The following VPS13C variants were observed in gnomAD, a reference collection of about 807,000 sequenced individuals.
VPS13C encodes the protein intermembrane lipid transfer protein VPS13C.
A neutral mutation model predicts 456.8 loss-of-function variants in VPS13C; 358 were observed. That is an observed-to-expected ratio of 0.78 (90% CI 0.72 to 0.86). The LOEUF is 0.86. Ranked by LOEUF, VPS13C falls within the 40% of genes least tolerant of loss-of-function variation. The pLI, the probability that VPS13C is intolerant of heterozygous loss-of-function variation, is 0.00. For synonymous variants in VPS13C, 1,578 were observed against 1,486.7 expected, an observed-to-expected ratio of 1.06 and a Z score of -1.41; for missense variants, 4,818 against 4,385.4, an observed-to-expected ratio of 1.10 and a Z score of -2.79.
intron 38 of VPS13C, among the ~76,000 whole-genome samples, chr15:61,954,064 T>A (rs574043269): frequency 1.6e-4 from 24 of 152,324 alleles, no homozygotes; most frequent in African/African-American, 2.6e-4. Context: ...AACTTTTTTT[T>A]AAAATGCAGG....
chr15:61,938,540 G>T (rs1404308734), intron 47 of VPS13C, among the ~76,000 whole-genome samples: 2 of 152,164 alleles, frequency 1.3e-5, no homozygotes, highest in African/African-American at 4.8e-5. Context: ...GGCAGTGGTG[G>T]CCTCATCCAC....
chr15:62,000,480 G>T, intron 16 of VPS13C, 84 bp downstream of exon 16: 1 of 1,335,664 alleles, frequency 7.5e-7, no homozygotes, highest in Non-Finnish European at 1.0e-6. Context: ...ACCTCACCTC[G>T]TGAAACTTCA....
At chr15:61,992,340 G>A (rs544332793) in intron 16 of VPS13C, among the ~76,000 whole-genome samples, 2 of 152,066 alleles carry the variant, frequency 1.3e-5, no homozygotes, top group Non-Finnish European at 2.9e-5. Context: ...CCTTCTCTTT[G>A]CCCACTTTTC....
intron 22 of VPS13C, among the ~76,000 whole-genome samples, chr15:61,980,621 T>C (rs1001781404): frequency 2.7e-5 from 4 of 150,940 alleles, no homozygotes; most frequent in Non-Finnish European, 5.9e-5. Context: ...TCTAACTTTT[T>C]TTGGTTTCCT....
Position 61,910,322 on chromosome 15 carries a change from T to A in VPS13C, c.8716-17A>T. The stretch of plus-strand genomic sequence containing the variant: ...TGGAAGGCACTAAAAATATAGAAGT[T>A]ATTATCAGTCTTAAGACAATACCGT... On this transcript the variant is annotated splice_polypyrimidine_tract_variant and intron_variant, in intron 63 of 84. Coordinates refer to ENST00000644861, the MANE Select transcript of VPS13C (RefSeq NM_020821.3). 1.3e-6 allele frequency: 2 copies of A among 1,494,940 alleles called. No individual in the cohort carries two copies. The highest frequency in any genetic ancestry group is 9.0e-7 in the Non-Finnish European group (1 of 1,114,288). 92.6% of individuals were successfully genotyped at this position (1,494,940 alleles called of 1,614,324 possible).
intron 6 of VPS13C, among the ~76,000 whole-genome samples, chr15:62,025,492 C>G (rs1354097829): frequency 6.6e-6 from 1 of 152,040 alleles, no homozygotes; most frequent in Admixed American, 6.6e-5. Flanking sequence ...CCAGTCTAGC[C>G]CTGAAAACCA....
intron 16 of VPS13C, among the ~76,000 whole-genome samples, chr15:61,996,822 G>C (rs988845584): frequency 1.4e-5 from 2 of 143,446 alleles, no homozygotes; most frequent in African/African-American, 5.5e-5. Context: ...AGAGAAAAAA[G>C]ACTGCAGGAA....
intron 12 of VPS13C, among the ~76,000 whole-genome samples, 175 bp downstream of exon 12, chr15:62,011,932 T>C (rs1446807806): frequency 6.6e-6 from 1 of 151,964 alleles, no homozygotes; most frequent in African/African-American, 2.4e-5. Context: ...CAGTGGTGTG[T>C]GTTACGATCT....
rs2043533843 is a variant in VPS13C at position 61,918,175 on chromosome 15, C to T, written c.7721G>A (p.Arg2574Lys). The T allele has an allele frequency of 6.2e-7, 1 of 1,600,466 alleles. No homozygotes were observed. The highest frequency in any genetic ancestry group is 8.5e-7 in the Non-Finnish European group (1 of 1,175,254). The change falls in exon 59 of 85, where the codon AGA becomes AAA. Residue 2574 changes from arginine to lysine, a missense_variant. Around this residue, in one of 3 missense-constraint regions of VPS13C, gnomAD observed 4,552 missense variants for 4,130.6 expected, o/e 1.10. Transcript: ENST00000644861. ...VKLLERIGIA[R>K]PEEEFHVPLD... ...AGGAACATGGAACTCCTCTTCAGGT[C>T]TGGCTATCCCAATGCGCTCCAATAG...
chr15:61,963,805 G>A (rs772861417), intron 32 of VPS13C, 30 bp downstream of exon 32: 36 of 1,496,432 alleles, frequency 2.4e-5, no homozygotes, highest in African/African-American at 4.2e-5. Context: ...TTATCTTTTC[G>A]CCAATTTTCA....
chr15:61,999,134 T>C (rs1311177215), intron 16 of VPS13C, among the ~76,000 whole-genome samples: 1 of 152,120 alleles, frequency 6.6e-6, no homozygotes, highest in East Asian at 1.9e-4. Context: ...ATCCCAGCAC[T>C]TTGGGAGGCC....
At position 61,969,111 on chromosome 15, in the gene VPS13C, T is replaced by C. The variant is rs143754133; in HGVS notation, c.2911+188A>G. On this transcript the variant is annotated intron_variant, in intron 28 of 84. Coordinates refer to ENST00000644861, the MANE Select transcript of VPS13C (RefSeq NM_020821.3). ...GTCTGTGACTTAGTTTACTTACATT[T>C]AAACCATAGATTATAACACTGCCTA... Among the ~76,000 whole-genome samples, 239 of 152,246 alleles carry C rather than the reference T, an allele frequency of 1.6e-3. 3 individuals are homozygous for C. In the East Asian group the frequency reaches 0.027, roughly 17 times the overall value.
At chr15:61,935,528 C>T (rs1343843357) in intron 48 of VPS13C, 2 of 152,220 alleles carry the variant, frequency 1.3e-5, no homozygotes, top group African/African-American at 2.4e-5. Flanking sequence ...GATACATGAT[C>T]GTGATCACGG....
chr15:61,854,977 A>C, intron 83 of VPS13C, 23 bp from the exon 84 acceptor site: 3 of 1,573,508 alleles, frequency 1.9e-6, no homozygotes, highest in Non-Finnish European at 2.6e-6. Flanking sequence ...AAACAATGAC[A>C]GAAAAGAAAT....
At chr15:61,975,973 G>C (rs1196845228) in intron 24 of VPS13C, among the ~76,000 whole-genome samples, 1 of 152,016 alleles carries the variant, frequency 6.6e-6, no homozygotes, top group Non-Finnish European at 1.5e-5. Context: ...TAGGACCCAA[G>C]TCTAAACATG....
chr15:62,045,759 G>C (rs1180555555), intron 1 of VPS13C, among the ~76,000 whole-genome samples: 1 of 152,054 alleles, frequency 6.6e-6, no homozygotes, highest in Non-Finnish European at 1.5e-5. Flanking sequence ...AAGAAGGAAG[G>C]ACAGAAGAGG....
At chr15:61,861,120 T>C (rs1379008196) in intron 82 of VPS13C, among the ~76,000 whole-genome samples, 1 of 151,784 alleles carries the variant, frequency 6.6e-6, no homozygotes, top group Admixed American at 6.6e-5. Context: ...CGCCACAAAG[T>C]CCAGCTAATT....
At chr15:61,991,631 T>G in intron 17 of VPS13C, 42 bp downstream of exon 17, 1 of 1,531,480 alleles carries the variant, frequency 6.5e-7, no homozygotes, top group Non-Finnish European at 8.8e-7. Flanking sequence ...AGTTTTTTTT[T>G]AACTTAACAC....
At chr15:61,978,193 G>A (rs2045768732) in intron 23 of VPS13C, among the ~76,000 whole-genome samples, 1 of 151,976 alleles carries the variant, frequency 6.6e-6, no homozygotes, top group Admixed American at 6.6e-5. Flanking sequence ...TACAAAAGTA[G>A]ACAGCATAAT....
Sources: allele counts gnomAD v4.1 joint callset (sites outside exome capture counted in the v4.1 genomes callset), GRCh38; gene constraint gnomAD v4.1.1; regional missense constraint gnomAD v4.1.1; transcripts MANE v1.5; gene names NCBI Gene and HGNC (gene_info 2026-07-23, HGNC 2026-07-21).